Variants in ATP5F1C observed in about 807,000 individuals in gnomAD.
The protein encoded by ATP5F1C is ATP synthase F1 subunit gamma, also known as ATP synthase F(1) complex subunit gamma, mitochondrial.
A neutral mutation model predicts 37.4 loss-of-function variants in ATP5F1C; 22 were observed. The observed-to-expected ratio is 0.59, with a 90% confidence interval of 0.42 to 0.84. The LOEUF (loss-of-function observed/expected upper bound fraction) is 0.84. ATP5F1C is among the 40% of genes least tolerant of loss of function. The pLI is 0.00. For synonymous variants in ATP5F1C, 121 were observed against 128.0 expected, an observed-to-expected ratio of 0.95 and a Z score of 0.37; for missense variants, 286 against 362.4, an observed-to-expected ratio of 0.79 and a Z score of 1.71.
intron 1 of ATP5F1C, among the ~76,000 whole-genome samples, chr10:7,793,090 T>C: frequency 6.6e-6 from 1 of 152,194 alleles, no homozygotes; most frequent in East Asian, 1.9e-4. Context: ...CATCATCTTA[T>C]GTGCTTTTTG....
intron 3 of ATP5F1C, among the ~76,000 whole-genome samples, chr10:7,797,433 C>A (rs1836261914): frequency 6.6e-6 from 1 of 152,160 alleles, no homozygotes; most frequent in South Asian, 2.1e-4. Flanking sequence ...CCTAAGATCA[C>A]ATATAAAAGG....
intron 8 of ATP5F1C, among the ~76,000 whole-genome samples, chr10:7,804,502 ATTCTTCATCTGACTGCCTCC>A (rs1160745415): frequency 2.6e-5 from 4 of 152,100 alleles, no homozygotes; most frequent in Admixed American, 6.5e-5. Context: ...TGCTCCCTTG[ATTCTTCATCTGACTGCCTCC>A]TGTGTATCCT....
chr10:7,791,576 T>C (rs1424485043), intron 1 of ATP5F1C, among the ~76,000 whole-genome samples: 1 of 152,244 alleles, frequency 6.6e-6, no homozygotes, highest in Non-Finnish European at 1.5e-5. Context: ...ATAACAGCGC[T>C]GTGGAATCAT....
intron 8 of ATP5F1C, among the ~76,000 whole-genome samples, chr10:7,804,633 C>T (rs1467234492): frequency 6.6e-6 from 1 of 152,198 alleles, no homozygotes; most frequent in Non-Finnish European, 1.5e-5. Flanking sequence ...TTTAGCTTAG[C>T]TCTTACAGCC....
At chr10:7,805,150 A>G (rs1485181082) in intron 8 of ATP5F1C, among the ~76,000 whole-genome samples, 1 of 152,230 alleles carries the variant, frequency 6.6e-6, no homozygotes, top group African/African-American at 2.4e-5. Flanking sequence ...GAACTTGGTT[A>G]GGATACTCTC....
chr10:7,807,628 T>C, intron 9 of ATP5F1C, 31 bp from the exon 10 acceptor site: 1 of 1,597,996 alleles, frequency 6.3e-7, no homozygotes, highest in Non-Finnish European at 8.5e-7. Context: ...TGCTGTTTGA[T>C]TTCTTACTTG....
intron 9 of ATP5F1C, among the ~76,000 whole-genome samples, chr10:7,807,377 G>T (rs1836503027): frequency 6.6e-6 from 1 of 152,106 alleles, no homozygotes; most frequent in Non-Finnish European, 1.5e-5. Context: ...TATTCATTTT[G>T]TTGTGATGTC....
chr10:7,792,026 A>G (rs1242876317), intron 1 of ATP5F1C, among the ~76,000 whole-genome samples: 1 of 152,212 alleles, frequency 6.6e-6, no homozygotes, highest in East Asian at 1.9e-4. Flanking sequence ...GTGTCTGCCT[A>G]AAACAATAAT....
intron 3 of ATP5F1C, 140 bp downstream of exon 3, chr10:7,797,318 T>C: frequency 9.3e-7 from 1 of 1,076,522 alleles, no homozygotes; most frequent in South Asian, 1.7e-5. Context: ...CTACATCCAC[T>C]TGACACGTAA....
intron 1 of ATP5F1C, among the ~76,000 whole-genome samples, chr10:7,794,500 G>T (rs199881924): frequency 4.8e-5 from 7 of 146,658 alleles, no homozygotes; most frequent in South Asian, 2.1e-4. Context: ...TTTGTGTGTT[G>T]TTTTTTTTTT....
At chr10:7,804,644 T>C (rs1836439087) in intron 8 of ATP5F1C, among the ~76,000 whole-genome samples, 2 of 152,218 alleles carry the variant, frequency 1.3e-5, no homozygotes, top group Non-Finnish European at 2.9e-5. Flanking sequence ...TCTTACAGCC[T>C]TGTATGAGGA....
intron 8 of ATP5F1C, among the ~76,000 whole-genome samples, chr10:7,804,699 A>T (rs1171627872): frequency 6.6e-6 from 1 of 152,156 alleles, no homozygotes; most frequent in Non-Finnish European, 1.5e-5. Context: ...CTAGGATGGG[A>T]CCATATCTTA....
chr10:7,801,519 A>G (rs1329028871), intron 6 of ATP5F1C: 1 of 152,192 alleles, frequency 6.6e-6, no homozygotes, highest in Non-Finnish European at 1.5e-5. Context: ...CCAGATTGAT[A>G]CATTCAGATT....
chr10:7,800,640 G>A (rs907650471), intron 6 of ATP5F1C, among the ~76,000 whole-genome samples: 2 of 151,478 alleles, frequency 1.3e-5, no homozygotes, highest in African/African-American at 4.8e-5. Context: ...GATTACAGGT[G>A]CACGCCACCA....
At chr10:7,802,662 A>G in intron 7 of ATP5F1C, 96 bp from the exon 8 acceptor site, 1 of 1,367,110 alleles carries the variant, frequency 7.3e-7, no homozygotes, top group Non-Finnish European at 1.0e-6. Flanking sequence ...GGTATCCAAA[A>G]ATTTCTTACT....
In ATP5F1C at chr10:7,800,031, G is replaced by C; in HGVS notation, c.577G>C (p.Val193Leu). ...GSIIFNKFRS[V>L]ISYKTEEKPI... is the part of the protein sequence containing the mutation. ...ATTTGTTTTTGTCAATTCTAGGTCTGTCATCTCCTATAAGACAGAAGAAAA... is the reference window on the plus strand; with the variant it reads ...ATTTGTTTTTGTCAATTCTAGGTCTCTCATCTCCTATAAGACAGAAGAAAA... The change falls in exon 6 of 10, where the codon GTC (valine) becomes CTC (leucine). Residue 193 changes from valine to leucine, a missense_variant. By Grantham distance (32) the Val-to-Leu change is conservative. Coordinates refer to ENST00000356708, the MANE Select transcript of ATP5F1C (RefSeq NM_001001973.3). The C allele has an allele frequency of 6.2e-7, 1 of 1,613,830 alleles. No homozygotes were observed.
intron 3 of ATP5F1C, among the ~76,000 whole-genome samples, chr10:7,798,579 T>A (rs898485662): frequency 1.3e-5 from 2 of 152,230 alleles, no homozygotes; most frequent in Admixed American, 1.3e-4. Flanking sequence ...GCTAATTTTT[T>A]TGTATTTTTT....
chr10:7,807,698 CT>C lies in ATP5F1C; in HGVS notation c.*72del. The C allele has an allele frequency of 6.2e-7, 1 of 1,603,898 alleles. No homozygotes were observed. ...TTCAGCCAGTTGATTTTGTTTTTAG[CT>C]TACTGCTGCCTTTGTCCGAAGAAAC... is the stretch of plus-strand genomic sequence containing the variant. On this transcript the variant is annotated 3_prime_UTR_variant, in exon 10 of 10. Coordinates refer to ENST00000356708, the MANE Select transcript of ATP5F1C (RefSeq NM_001001973.3).
chr10:7,802,127 A>G (rs1311029738), intron 6 of ATP5F1C, 143 bp from the exon 7 acceptor site: 6 of 825,802 alleles, frequency 7.3e-6, no homozygotes, highest in Middle Eastern at 3.7e-4. Flanking sequence ...AATAGATGAC[A>G]TTATTAGAAC....
Sources: gnomAD v4.1 joint callset for allele counts (sites outside exome capture counted in the v4.1 genomes callset) on GRCh38, gnomAD v4.1.1 for gene constraint, MANE v1.5 for transcripts, NCBI Gene and HGNC (gene_info 2026-07-23, HGNC 2026-07-21) for gene names.